The following DSCAM variants were observed in gnomAD, a reference collection of about 807,000 sequenced individuals.
DSCAM encodes the protein cell adhesion molecule DSCAM.
A neutral mutation model predicts 217.7 loss-of-function variants in DSCAM; 47 were observed. That is an observed-to-expected ratio of 0.22 (90% CI 0.17 to 0.28). The LOEUF is 0.28. Among genes scored for constraint, DSCAM ranks in the 10% least tolerant of loss-of-function variants. The pLI is 1.00. For missense variants in DSCAM, 2,080 were observed against 2,618.3 expected (o/e 0.79, Z 4.49); for synonymous variants, 1,056 against 1,015.3 (o/e 1.04, Z -0.76).
intron 1 of DSCAM, among the ~76,000 whole-genome samples, chr21:40,711,644 C>T (rs1482401807): frequency 6.6e-6 from 1 of 152,202 alleles, no homozygotes; most frequent in Non-Finnish European, 1.5e-5. Context: ...TATGTTGAGT[C>T]CTACACTGGG....
intron 16 of DSCAM, among the ~76,000 whole-genome samples, chr21:40,151,869 G>A (rs1257185731): frequency 6.6e-6 from 1 of 152,152 alleles, no homozygotes; most frequent in Non-Finnish European, 1.5e-5. Flanking sequence ...TGGAGGGGTT[G>A]AGCTTCATTG....
At chr21:40,017,229 T>C (rs1177030553) in intron 32 of DSCAM, among the ~76,000 whole-genome samples, 1 of 151,934 alleles carries the variant, frequency 6.6e-6, no homozygotes, top group Non-Finnish European at 1.5e-5. Flanking sequence ...GTCTTGAAAA[T>C]TTTTTTCCGC....
intron 1 of DSCAM, among the ~76,000 whole-genome samples, chr21:40,823,419 G>A (rs1261998078): frequency 6.6e-6 from 1 of 152,104 alleles, no homozygotes; most frequent in Non-Finnish European, 1.5e-5. Flanking sequence ...AATTCAACTT[G>A]TTTAAGGCTT....
chr21:40,286,278 A>G (rs1021791337), intron 10 of DSCAM, among the ~76,000 whole-genome samples: 5 of 152,236 alleles, frequency 3.3e-5, no homozygotes, highest in African/African-American at 1.2e-4. Flanking sequence ...ACAGGGATGC[A>G]AAAGAGACAC....
intron 11 of DSCAM, among the ~76,000 whole-genome samples, chr21:40,226,563 C>G (rs1473845159): frequency 6.6e-6 from 1 of 152,074 alleles, no homozygotes; most frequent in African/African-American, 2.4e-5. Context: ...CTGGTGGCAA[C>G]AAAATGTCCC....
At chr21:40,462,359 A>G (rs1023450204) in intron 3 of DSCAM, among the ~76,000 whole-genome samples, 1 of 152,182 alleles carries the variant, frequency 6.6e-6, no homozygotes, top group South Asian at 2.1e-4. Flanking sequence ...TGGAATAAAA[A>G]TCTTAGAGCC....
At chr21:40,497,192 C>A (rs2076125745) in intron 3 of DSCAM, among the ~76,000 whole-genome samples, 1 of 152,158 alleles carries the variant, frequency 6.6e-6, no homozygotes, top group Non-Finnish European at 1.5e-5. Flanking sequence ...GATATCTCCA[C>A]CTCCATGTTC....
chr21:40,764,942 G>A (rs2091372458), intron 1 of DSCAM, among the ~76,000 whole-genome samples: 1 of 152,032 alleles, frequency 6.6e-6, no homozygotes, highest in Non-Finnish European at 1.5e-5. Flanking sequence ...ACACACCGGG[G>A]CCTGTCAGGG....
intron 11 of DSCAM, among the ~76,000 whole-genome samples, chr21:40,266,634 T>G (rs2073531323): frequency 1.0e-5 from 1 of 99,990 alleles, no homozygotes; most frequent in African/African-American, 4.3e-5. Context: ...ACAAAGATGT[T>G]TTATATATAT....
At chr21:40,464,013 A>C (rs1485375183) in intron 3 of DSCAM, among the ~76,000 whole-genome samples, 1 of 149,966 alleles carries the variant, frequency 6.7e-6, no homozygotes, top group Non-Finnish European at 1.5e-5. Context: ...CCCTCCAAAC[A>C]TCAACTAGAG....
rs541071157 is a variant in DSCAM, at chr21:40,661,167, C to T, written c.508+31643G>A. Reference sequence around the variant, plus strand: ...AATCTAAGAAAAATCTTAGCATGCACGATATCATTTATATGCATTTGAAAA... The same window carrying T: ...AATCTAAGAAAAATCTTAGCATGCATGATATCATTTATATGCATTTGAAAA... On this transcript the variant is annotated intron_variant, in intron 3 of 32. Transcript: ENST00000400454. 3.9e-5 allele frequency among the ~76,000 whole-genome samples: 6 copies of T among 152,212 alleles called. 1 individual carries two copies. The South Asian group carries it at 6.2e-4, about 16-fold the overall frequency.
chr21:40,644,448 T>C (rs2089919593), intron 3 of DSCAM, among the ~76,000 whole-genome samples: 1 of 152,142 alleles, frequency 6.6e-6, no homozygotes, highest in Admixed American at 6.6e-5. Flanking sequence ...CGGCCAGTTC[T>C]AGGAAAGATT....
At chr21:40,733,863 C>G (rs1375873301) in intron 1 of DSCAM, among the ~76,000 whole-genome samples, 1 of 152,156 alleles carries the variant, frequency 6.6e-6, no homozygotes, top group African/African-American at 2.4e-5. Flanking sequence ...AAGGCCATTG[C>G]TGCCACCCGT....
intron 3 of DSCAM, among the ~76,000 whole-genome samples, chr21:40,460,135 G>T (rs115107027): frequency 0.073 from 11,069 of 152,132 alleles, 788 homozygotes; most frequent in African/African-American, 0.18. Flanking sequence ...TGGTGGCATT[G>T]GGGAAAGGAG....
intron 20 of DSCAM, among the ~76,000 whole-genome samples, chr21:40,113,857 G>C (rs2146643209): frequency 6.6e-6 from 1 of 152,138 alleles, no homozygotes; most frequent in Admixed American, 6.5e-5. Flanking sequence ...ACTTACAAGG[G>C]ATGTGAAGGA....
At chr21:40,569,483 A>G (rs1189529225) in intron 3 of DSCAM, among the ~76,000 whole-genome samples, 6 of 152,164 alleles carry the variant, frequency 3.9e-5, no homozygotes. Context: ...GAAAGAAGAA[A>G]ATTGCTCCTG....
intron 1 of DSCAM, among the ~76,000 whole-genome samples, chr21:40,808,542 C>T (rs964972952): frequency 1.3e-5 from 2 of 149,964 alleles, no homozygotes; most frequent in African/African-American, 4.9e-5. Context: ...GGCATGATCA[C>T]AGCACACTGC....
chr21:40,055,170 C>T (rs2146504077), intron 29 of DSCAM, among the ~76,000 whole-genome samples: 1 of 152,258 alleles, frequency 6.6e-6, no homozygotes, highest in East Asian at 1.9e-4. Context: ...AAAACTAGGG[C>T]CCTGGTGTTT....
chr21:40,713,706 T>C (rs2090808285), intron 1 of DSCAM, among the ~76,000 whole-genome samples: 1 of 152,212 alleles, frequency 6.6e-6, no homozygotes, highest in Admixed American at 6.5e-5. Context: ...TATGGTGGAA[T>C]GAGCTCATGC....
Sources: allele counts gnomAD v4.1 joint callset (sites outside exome capture counted in the v4.1 genomes callset), GRCh38; gene constraint gnomAD v4.1.1; transcripts MANE v1.5; gene names NCBI Gene and HGNC (gene_info 2026-07-23, HGNC 2026-07-21).